Variants in SYNDIG1 observed in about 807,000 individuals in gnomAD.
SYNDIG1 encodes synapse differentiation-inducing gene protein 1.
In SYNDIG1, 9 loss-of-function variants were observed where a neutral mutation model predicts 19.4. The observed-to-expected ratio is 0.46, with a 90% CI of 0.28 to 0.81. The LOEUF (loss-of-function observed/expected upper bound fraction) is 0.81. Ranked by LOEUF, SYNDIG1 falls within the 30% of genes least tolerant of loss-of-function variation. The pLI is 0.12. For synonymous variants in SYNDIG1, 141 were observed against 145.9 expected (o/e 0.97, Z 0.24); for missense variants, 311 against 343.3 (o/e 0.91, Z 0.74).
At chr20:24,473,339 C>T (rs1390155949) in intron 1 of SYNDIG1, among the ~76,000 whole-genome samples, 1 of 152,166 alleles carries the variant, frequency 6.6e-6, no homozygotes, top group African/African-American at 2.4e-5. Flanking sequence ...GTCAAAATCT[C>T]TACAAAGCAG....
chr20:24,489,475 A>G (rs2056082693), intron 1 of SYNDIG1, among the ~76,000 whole-genome samples: 2 of 151,734 alleles, frequency 1.3e-5, no homozygotes, highest in Non-Finnish European at 2.9e-5. Flanking sequence ...ACATACGTGC[A>G]TGGACACACA....
rs11347171 is a variant in SYNDIG1, at chr20:24,574,323, T to TA, written c.481-10517dup. Among the ~76,000 whole-genome samples the TA allele has an allele frequency of 4.1e-4, 59 of 142,490 alleles. No individual in the cohort carries two copies. In the Middle Eastern group the frequency reaches 0.011, roughly 27 times the overall value. The allele number at this position is 142,490 out of a possible 152,430, so 93.5% of individuals were successfully genotyped here. ...TGAAACCCCGTCTCTATTAAAAACC[T>TA]AAAAAAAAAAAAAAAATTAGCCAGG... On this transcript the variant is annotated intron_variant, in intron 2 of 3. Transcript: ENST00000376862.
intron 1 of SYNDIG1, among the ~76,000 whole-genome samples, chr20:24,517,312 T>TA: frequency 6.9e-6 from 1 of 144,466 alleles, no homozygotes; most frequent in Admixed American, 7.0e-5. Context: ...AAAAAAAAAA[T>TA]AAATAAATAA....
intron 1 of SYNDIG1, among the ~76,000 whole-genome samples, chr20:24,486,808 G>A (rs775404163): frequency 2.4e-4 from 36 of 152,000 alleles, no homozygotes; most frequent in Non-Finnish European, 4.6e-4. Flanking sequence ...ACAGGTGTGC[G>A]CCAACATGCC....
rs150314703 is a variant in SYNDIG1, at chr20:24,477,910, G to A, written c.-79+8157G>A. ...GTTATAGATACTCCAAACTCCAGGT[G>A]TTTCTGTGCTGTCTGGACCTAAGAC... On this transcript the variant is annotated intron_variant, in intron 1 of 3. Coordinates refer to ENST00000376862, the MANE Select transcript of SYNDIG1 (RefSeq NM_024893.3). 1.1e-4 allele frequency among the ~76,000 whole-genome samples: 16 copies of A among 152,340 alleles called. No individual in the cohort carries two copies. In the East Asian group the frequency reaches 2.9e-3, roughly 28 times the overall value.
intron 3 of SYNDIG1, among the ~76,000 whole-genome samples, chr20:24,620,344 TG>T (rs2059019086): frequency 6.6e-6 from 1 of 152,158 alleles, no homozygotes. Flanking sequence ...GACCCAAGGC[TG>T]GGGGGTGACC....
At chr20:24,564,042 G>A (rs1228803442) in intron 2 of SYNDIG1, among the ~76,000 whole-genome samples, 1 of 152,158 alleles carries the variant, frequency 6.6e-6, no homozygotes. Context: ...CGAGCAGCAG[G>A]ACCGTGGCCA....
intron 2 of SYNDIG1, among the ~76,000 whole-genome samples, chr20:24,575,748 A>T (rs183310203): frequency 1.2e-3 from 179 of 152,354 alleles, no homozygotes; most frequent in African/African-American, 4.2e-3. Flanking sequence ...AGATACTACT[A>T]GGAGGAAAAA....
At chr20:24,598,672 T>A (rs1243169124) in intron 3 of SYNDIG1, among the ~76,000 whole-genome samples, 1 of 152,260 alleles carries the variant, frequency 6.6e-6, no homozygotes, top group African/African-American at 2.4e-5. Flanking sequence ...TGACCTCATT[T>A]GCTTTTCAGT....
chr20:24,634,536 G>C (rs1288528371), intron 3 of SYNDIG1, among the ~76,000 whole-genome samples: 1 of 152,160 alleles, frequency 6.6e-6, no homozygotes, highest in Non-Finnish European at 1.5e-5. Flanking sequence ...CCTGAGCTCA[G>C]TGTTCCATTT....
chr20:24,494,614 C>T (rs1427958883), intron 1 of SYNDIG1, among the ~76,000 whole-genome samples: 1 of 152,156 alleles, frequency 6.6e-6, no homozygotes, highest in Non-Finnish European at 1.5e-5. Flanking sequence ...GGAACAGACC[C>T]CCCCGGGAGA....
chr20:24,498,545 T>A lies in SYNDIG1; in HGVS notation c.-79+28792T>A, dbSNP rs538731253. Among the ~76,000 whole-genome samples, 53 of 152,310 alleles carry A rather than the reference T, an allele frequency of 3.5e-4. 2 individuals carry two copies. The South Asian group carries it at 0.011, about 30-fold the overall frequency. On this transcript the variant is annotated intron_variant, in intron 1 of 3. Transcript: ENST00000376862. ...GTTCCCTGCCTCTGGCAGCCACCAT[T>A]CCACTCTCTGCTGCTGTGAGTTTAA...
In SYNDIG1 at chr20:24,489,537, GCA is replaced by G. The variant is rs564021568; in HGVS notation, c.-79+19791_-79+19792del. On this transcript the variant is annotated intron_variant, in intron 1 of 3. Transcript: ENST00000376862. ...CATGCACACACACGTACACATGCAT[GCA>G]CACACATGCTCACAGGGACAGGCAC... Among the ~76,000 whole-genome samples the G allele has an allele frequency of 1.8e-3, 275 of 151,996 alleles. 1 individual carries two copies. Among genetic ancestry groups the G allele is most frequent in the African/African-American group, 6.3e-3 (261 of 41,434 alleles).
At chr20:24,569,004 G>C (rs768519051) in intron 2 of SYNDIG1, among the ~76,000 whole-genome samples, 2 of 152,146 alleles carry the variant, frequency 1.3e-5, no homozygotes, top group Non-Finnish European at 2.9e-5. Flanking sequence ...AGCTCATCAC[G>C]CCAACCTGGG....
chr20:24,503,427 C>T (rs553143422), intron 1 of SYNDIG1, among the ~76,000 whole-genome samples: 1 of 152,314 alleles, frequency 6.6e-6, no homozygotes, highest in Non-Finnish European at 1.5e-5. Flanking sequence ...TGCTCAGCAG[C>T]AGTGCTGAGA....
chr20:24,492,377 G>C (rs558643237), intron 1 of SYNDIG1, among the ~76,000 whole-genome samples: 1 of 152,220 alleles, frequency 6.6e-6, no homozygotes, highest in Non-Finnish European at 1.5e-5. Context: ...TGTCTGGTTC[G>C]AGATCAGCTG....
chr20:24,542,855 C>G (rs536795932), intron 1 of SYNDIG1, among the ~76,000 whole-genome samples, 165 bp from the exon 2 acceptor site: 101 of 152,318 alleles, frequency 6.6e-4, no homozygotes, highest in African/African-American at 2.4e-3. Context: ...CCCCACAGAC[C>G]CTTTTTAACA....
intron 1 of SYNDIG1, among the ~76,000 whole-genome samples, chr20:24,514,472 ATCCTAGTC>A (rs1439622788): frequency 6.6e-6 from 1 of 152,222 alleles, no homozygotes; most frequent in African/African-American, 2.4e-5. Flanking sequence ...AGGGGTTGCA[ATCCTAGTC>A]TCTGATAAAA....
chr20:24,641,316 G>A (rs1174494663), intron 3 of SYNDIG1, among the ~76,000 whole-genome samples: 2 of 152,204 alleles, frequency 1.3e-5, no homozygotes, highest in African/African-American at 2.4e-5. Context: ...TGGATGGAGA[G>A]TTGGGTAGAT....
Sources: gnomAD v4.1 joint callset for allele counts (sites outside exome capture counted in the v4.1 genomes callset) on GRCh38, gnomAD v4.1.1 for gene constraint, MANE v1.5 for transcripts, NCBI Gene and HGNC (gene_info 2026-07-23, HGNC 2026-07-21) for gene names.